CLDN16: variants seen among roughly 807,000 people sequenced by gnomAD.
The protein encoded by CLDN16 is claudin 16, also known as claudin-16.
Under a neutral mutation model 24.6 loss-of-function variants are expected in CLDN16, and 13 were observed. That is an observed-to-expected ratio of 0.53 (90% CI 0.34 to 0.84). The LOEUF is 0.84. CLDN16 is among the 40% of genes least tolerant of loss of function. The pLI is 0.01. For synonymous variants in CLDN16, 116 were observed against 106.7 expected (o/e 1.09, Z -0.54); for missense variants, 298 against 292.7 (o/e 1.02, Z -0.13).
chr3:190,387,493 C>T (rs187495887), upstream of CLDN16, among the ~76,000 whole-genome samples: 3 of 152,276 alleles, frequency 2.0e-5, no homozygotes, highest in East Asian at 5.8e-4. Context: ...AAGCGACTTA[C>T]AGGCACAATA....
chr3:190,329,728 AAAAAGAC>A, intron 1 of CLDN16, among the ~76,000 whole-genome samples: 1 of 152,298 alleles, frequency 6.6e-6, no homozygotes, highest in Admixed American at 6.5e-5. Context: ...TCAGGGGAAT[AAAAAGAC>A]ATTCAATGGT....
chr3:190,325,371 T>G (rs1717039123), intron 1 of CLDN16, among the ~76,000 whole-genome samples: 1 of 152,212 alleles, frequency 6.6e-6, no homozygotes, highest in Non-Finnish European at 1.5e-5. Flanking sequence ...TTATCATGTG[T>G]TTCTTGCTCC....
At position 190,324,067 on chromosome 3, in the gene CLDN16, T is replaced by C. The variant is rs191649723; in HGVS notation, n.121+1406T>C. ...ATTTGATTTTGTAAAAATTCCCTGA[T>C]CAGAGAAGGCACTGGAATTTGCTGC... On this transcript the variant is annotated intron_variant and non_coding_transcript_variant, in intron 1 of 4. Transcript: ENST00000468220. Among the ~76,000 whole-genome samples, 97 of 152,306 alleles carry C rather than the reference T, an allele frequency of 6.4e-4. 1 individual carries two copies. The highest frequency in any genetic ancestry group is 1.2e-4 in the Non-Finnish European group (8 of 68,018).
intron 4 of CLDN16, among the ~76,000 whole-genome samples, chr3:190,409,245 C>CGTATATGCATGTATATATGCACACGT (rs1719201791): frequency 1.0e-5 from 1 of 97,270 alleles, no homozygotes; most frequent in Non-Finnish European, 2.2e-5. Context: ...TATGCACACA[C>CGTATATGCATGTATATATGCACACGT]GTATATGCAT....
intron 2 of CLDN16, among the ~76,000 whole-genome samples, chr3:190,372,593 G>C (rs898187387): frequency 1.3e-5 from 2 of 151,932 alleles, no homozygotes; most frequent in Non-Finnish European, 2.9e-5. Flanking sequence ...GCAGTGAGCT[G>C]TGAATGTCCT....
the CLDN16 span, among the ~76,000 whole-genome samples, chr3:190,302,041 C>T: frequency 1.3e-5 from 2 of 152,172 alleles, no homozygotes; most frequent in Non-Finnish European, 2.9e-5. Context: ...TACTATCTTC[C>T]TAGCTTACTT....
chr3:190,310,361 G>A, the CLDN16 span: 2 of 768,610 alleles, frequency 2.6e-6, no homozygotes, highest in African/African-American at 1.7e-5. Context: ...CTCATCAATA[G>A]TGTTGACATT....
chr3:190,296,550 T>TTC, the CLDN16 span, among the ~76,000 whole-genome samples: 1 of 122,214 alleles, frequency 8.2e-6, no homozygotes, highest in African/African-American at 2.9e-5. Flanking sequence ...CAGATTTAAT[T>TTC]TTTTTTTTTT....
intron 1 of CLDN16, among the ~76,000 whole-genome samples, chr3:190,357,076 G>T (rs910102863): frequency 1.2e-4 from 18 of 151,806 alleles, no homozygotes; most frequent in African/African-American, 3.9e-4. Context: ...CCACTTTAAA[G>T]CTTTAAAGGT....
At chr3:190,320,758 C>A (rs1428465777), upstream of CLDN16, among the ~76,000 whole-genome samples, 1 of 152,092 alleles carries the variant, frequency 6.6e-6, no homozygotes, top group Non-Finnish European at 1.5e-5. Context: ...CCTTAGCATG[C>A]AATGGGGGCC....
chr3:190,371,621 A>T (rs896476223), intron 2 of CLDN16, among the ~76,000 whole-genome samples: 1 of 151,972 alleles, frequency 6.6e-6, no homozygotes, highest in African/African-American at 2.4e-5. Context: ...CTTCAAAAAA[A>T]AGTCAGATCT....
chr3:190,335,881 A>C (rs1717293120), intron 1 of CLDN16, among the ~76,000 whole-genome samples: 1 of 152,164 alleles, frequency 6.6e-6, no homozygotes, highest in African/African-American at 2.4e-5. Flanking sequence ...CTAAAGATTT[A>C]ATTCTGGAGT....
chr3:190,290,698 G>A, the CLDN16 span, among the ~76,000 whole-genome samples: 2 of 152,142 alleles, frequency 1.3e-5, no homozygotes, highest in Non-Finnish European at 2.9e-5. Context: ...CAGAAAGGAT[G>A]TAGGAAAATC....
chr3:190,382,729 C>T (rs980273164), intron 3 of CLDN16, among the ~76,000 whole-genome samples: 3 of 152,150 alleles, frequency 2.0e-5, no homozygotes, highest in African/African-American at 7.2e-5. Context: ...GGGCCATCCA[C>T]CCATTATTTA....
At chr3:190,293,094 G>T in the CLDN16 span, among the ~76,000 whole-genome samples, 2 of 152,146 alleles carry the variant, frequency 1.3e-5, no homozygotes, top group African/African-American at 2.4e-5. Context: ...ATGTTTATTG[G>T]ACTCACAGTT....
intron 1 of CLDN16, among the ~76,000 whole-genome samples, chr3:190,341,965 A>C (rs112595157): frequency 0.039 from 5,963 of 152,180 alleles, 392 homozygotes; most frequent in African/African-American, 0.13. Context: ...CAGTTCCCCA[A>C]AAGGTCCTTA....
At chr3:190,292,381 C>G in the CLDN16 span, among the ~76,000 whole-genome samples, 1 of 152,274 alleles carries the variant, frequency 6.6e-6, no homozygotes, top group African/African-American at 2.4e-5. Context: ...TGCATGGCAT[C>G]AAGTTTCAAG....
intron 1 of CLDN16, among the ~76,000 whole-genome samples, chr3:190,359,878 G>T (rs141339969): frequency 6.6e-6 from 1 of 152,004 alleles, no homozygotes; most frequent in South Asian, 2.1e-4. Context: ...AGAACTTGTG[G>T]CCTAAAAGGA....
the CLDN16 span, among the ~76,000 whole-genome samples, chr3:190,299,605 T>C: frequency 6.6e-6 from 1 of 152,162 alleles, no homozygotes; most frequent in East Asian, 1.9e-4. Context: ...GTGTATGGTA[T>C]GGGTTAGAGA....
Sources: allele counts gnomAD v4.1 joint callset (sites outside exome capture counted in the v4.1 genomes callset), GRCh38; gene constraint gnomAD v4.1.1; transcripts MANE v1.5; gene names NCBI Gene and HGNC (gene_info 2026-07-23, HGNC 2026-07-21).